SH3KBP1: variants seen among roughly 807,000 people sequenced by gnomAD.
The protein encoded by SH3KBP1 is SH3 domain containing kinase binding protein 1, also known as SH3 domain-containing kinase-binding protein 1.
SH3KBP1 carries 8 observed loss-of-function variants against 50.1 expected under a neutral mutation model. That is an observed-to-expected ratio of 0.16 (90% CI 0.09 to 0.29). The LOEUF is 0.29. Among genes scored for constraint, SH3KBP1 ranks in the 10% least tolerant of loss-of-function variants. The probability of loss-of-function intolerance (pLI) is 1.00; values close to 1 mark genes in which losing one functional copy is unlikely to be tolerated. For synonymous variants in SH3KBP1, 227 were observed against 218.6 expected (o/e 1.04, Z -0.34); for missense variants, 377 against 535.2 (o/e 0.70, Z 2.92).
chrX:19,863,864 A>G (rs184376266), intron 1 of SH3KBP1, among the ~76,000 whole-genome samples: 3 of 112,460 alleles, frequency 2.7e-5, no homozygotes, highest in African/African-American at 9.7e-5. Flanking sequence ...CACAAAGCCT[A>G]CAAACAAAAA....
In SH3KBP1 at chrX:19,535,188, C is replaced by T. The variant is rs1602375456; in HGVS notation, c.*1229G>A. 11 of 284,049 alleles carry T rather than the reference C, an allele frequency of 3.9e-5. No homozygotes were observed. Among genetic ancestry groups the T allele is most frequent in the Non-Finnish European group, 6.8e-5 (11 of 162,132 alleles). The allele number at this position is 284,049 out of a possible 1,213,427, so 23.4% of individuals were successfully genotyped here. A position where few individuals can be genotyped will look rare whatever the true frequency, so the allele number is the denominator to read the frequency against. ...CTGTTCATGTACTACAAAGATAAAG[C>T]GGACAGGCAAACATCAGTTTCCTTG... On this transcript the variant is annotated 3_prime_UTR_variant, in exon 18 of 18. Transcript: ENST00000397821.
intron 2 of SH3KBP1, among the ~76,000 whole-genome samples, chrX:19,768,475 C>T (rs945175359): frequency 3.1e-5 from 3 of 97,679 alleles, no homozygotes; most frequent in African/African-American, 7.6e-5. Flanking sequence ...CTCCACCTAA[C>T]GCCACTGACT....
chrX:19,651,574 G>C lies in SH3KBP1; in HGVS notation c.727-6099C>G, dbSNP rs4622003. Reference sequence around the variant, plus strand: ...ATTACGAAATTGGGCTTAAGACTTAGAGCTATTCATATGATGTTTATTTCC... The same window carrying C: ...ATTACGAAATTGGGCTTAAGACTTACAGCTATTCATATGATGTTTATTTCC... On this transcript the variant is annotated intron_variant, in intron 6 of 17. Transcript: ENST00000397821. Among the ~76,000 whole-genome samples the C allele has an allele frequency of 7.0e-3, 786 of 112,316 alleles. 8 individuals are homozygous for C. The highest frequency in any genetic ancestry group is 0.023 in the African/African-American group (703 of 30,919).
intron 9 of SH3KBP1, among the ~76,000 whole-genome samples, chrX:19,598,569 T>C (rs1271644364): frequency 8.9e-6 from 1 of 111,938 alleles, no homozygotes; most frequent in Non-Finnish European, 1.9e-5. Flanking sequence ...CATTTCTAGC[T>C]TTTGATTTAA....
At chrX:19,590,646 A>AC (rs1406296039) in intron 11 of SH3KBP1, among the ~76,000 whole-genome samples, 16 of 99,814 alleles carry the variant, frequency 1.6e-4, no homozygotes, top group African/African-American at 5.1e-4. Context: ...CACATCACAC[A>AC]CTTTTTTTTT....
intron 1 of SH3KBP1, among the ~76,000 whole-genome samples, chrX:19,842,398 T>C (rs113697303): frequency 0.024 from 2,701 of 110,610 alleles, 65 homozygotes; most frequent in African/African-American, 0.072. Flanking sequence ...TGGTGGCACG[T>C]GCCTGTAATC....
chrX:19,643,300 A>ATTTTTTTTTTTT (rs201544483), intron 7 of SH3KBP1, among the ~76,000 whole-genome samples: 11 of 86,885 alleles, frequency 1.3e-4, no homozygotes, highest in South Asian at 5.1e-4. Flanking sequence ...AAACTGAAGA[A>ATTTTTTTTTTTT]TTTTTTATTT....
chrX:19,789,029 C>CA (rs1236921289), intron 2 of SH3KBP1, among the ~76,000 whole-genome samples: 2 of 111,470 alleles, frequency 1.8e-5, no homozygotes, highest in African/African-American at 6.5e-5. Context: ...GAGGCTGAGG[C>CA]AGGAGAATTG....
chrX:19,620,232 A>G (rs997726118), intron 8 of SH3KBP1, among the ~76,000 whole-genome samples: 3 of 112,146 alleles, frequency 2.7e-5, no homozygotes, highest in African/African-American at 9.7e-5. Context: ...AGATACAAAG[A>G]AAGCTTTAAA....
intron 1 of SH3KBP1, among the ~76,000 whole-genome samples, chrX:19,861,304 GA>G (rs2068770357): frequency 9.1e-6 from 1 of 109,634 alleles, no homozygotes; most frequent in African/African-American, 3.3e-5. Context: ...ATGAACCCAG[GA>G]GGCAGAACTT....
At chrX:19,857,793 C>A (rs1438687612) in intron 1 of SH3KBP1, among the ~76,000 whole-genome samples, 1 of 111,375 alleles carries the variant, frequency 9.0e-6, no homozygotes, top group African/African-American at 3.3e-5. Context: ...GTAAAAACGG[C>A]CTTAATTAAA....
chrX:19,648,789 C>T (rs1288880272), intron 6 of SH3KBP1, among the ~76,000 whole-genome samples: 2 of 111,318 alleles, frequency 1.8e-5, no homozygotes, highest in Admixed American at 1.9e-4. Flanking sequence ...CCTTTCCAAA[C>T]ATCCCTAGTT....
intron 12 of SH3KBP1, among the ~76,000 whole-genome samples, chrX:19,574,089 A>G (rs189212862): frequency 5.3e-4 from 59 of 111,534 alleles, no homozygotes; most frequent in African/African-American, 1.7e-3. Flanking sequence ...CTTTGACTCC[A>G]AATTTCATGT....
At chrX:19,653,190 T>C (rs753204920) in intron 6 of SH3KBP1, among the ~76,000 whole-genome samples, 12 of 111,590 alleles carry the variant, frequency 1.1e-4, no homozygotes, top group Non-Finnish European at 1.9e-4. Flanking sequence ...GTCACTATGT[T>C]GCCCAGGCTG....
At chrX:19,561,983 C>T (rs1324997288) in intron 13 of SH3KBP1, among the ~76,000 whole-genome samples, 3 of 110,275 alleles carry the variant, frequency 2.7e-5, no homozygotes, top group Non-Finnish European at 5.7e-5. Flanking sequence ...CCAACCTTCG[C>T]TTGCCACCAC....
intron 1 of SH3KBP1, among the ~76,000 whole-genome samples, chrX:19,845,836 C>T (rs2068354993): frequency 9.0e-6 from 1 of 110,519 alleles, no homozygotes; most frequent in Admixed American, 9.6e-5. Context: ...TCTAGAACTC[C>T]TGGCATCAAG....
At chrX:19,886,849 C>T (rs2069600806) in intron 1 of SH3KBP1, among the ~76,000 whole-genome samples, 1 of 101,962 alleles carries the variant, frequency 9.8e-6, no homozygotes, top group Non-Finnish European at 2.0e-5. Context: ...AACCCAGCCC[C>T]CTCCAAGACC....
chrX:19,764,986 CTTTTTT>C (rs34368819), intron 2 of SH3KBP1, among the ~76,000 whole-genome samples: 2 of 44,561 alleles, frequency 4.5e-5, no homozygotes, highest in African/African-American at 9.5e-5. Flanking sequence ...TTTTGCAGTT[CTTTTTT>C]TTTTTTTTTT....
At chrX:19,855,190 G>C (rs978631722) in intron 1 of SH3KBP1, among the ~76,000 whole-genome samples, 2 of 110,904 alleles carry the variant, frequency 1.8e-5, no homozygotes, top group African/African-American at 6.6e-5. Flanking sequence ...CACCATGTTG[G>C]CCAGGCTGGT....
Sources: allele counts gnomAD v4.1 joint callset (sites outside exome capture counted in the v4.1 genomes callset), GRCh38; gene constraint gnomAD v4.1.1; transcripts MANE v1.5; gene names NCBI Gene and HGNC (gene_info 2026-07-23, HGNC 2026-07-21).